The following CCDC171 variants were observed in gnomAD, a reference collection of about 807,000 sequenced individuals.
The protein encoded by CCDC171 is coiled-coil domain containing 171, also known as coiled-coil domain-containing protein 171.
A neutral mutation model predicts 168.2 loss-of-function variants in CCDC171; 177 were observed. That is an observed-to-expected ratio of 1.05 (90% CI 0.93 to 1.19). The LOEUF (loss-of-function observed/expected upper bound fraction) is 1.19, where lower values mean the gene tolerates loss of function less well. Among genes scored for constraint, CCDC171 ranks in the 50% most tolerant of loss-of-function variants. The pLI is 0.00. For missense variants in CCDC171, 1,991 were observed against 1,539.0 expected (o/e 1.29, Z -4.91); for synonymous variants, 687 against 540.8 (o/e 1.27, Z -3.75).
intron 8 of CCDC171, among the ~76,000 whole-genome samples, chr9:15,660,245 A>C (rs1314138256): frequency 6.6e-6 from 1 of 152,230 alleles, no homozygotes; most frequent in Non-Finnish European, 1.5e-5. Flanking sequence ...CTTTAAGATC[A>C]GGTCACTAAA....
intron 9 of CCDC171, among the ~76,000 whole-genome samples, chr9:15,675,110 T>C (rs1177543384): frequency 1.3e-5 from 2 of 152,072 alleles, no homozygotes; most frequent in Non-Finnish European, 2.9e-5. Context: ...TTTACCATTA[T>C]GTAACGGCCT....
chr9:15,992,707 T>C (rs371232963), intron 3 of CCDC171, among the ~76,000 whole-genome samples: 3 of 152,024 alleles, frequency 2.0e-5, no homozygotes, highest in African/African-American at 4.8e-5. Context: ...ATTGTCTCAG[T>C]CCAAAATCTC....
Position 15,568,879 on chromosome 9 carries a change from A to G in CCDC171, c.42-2745A>G, listed in dbSNP as rs547800787. The stretch of plus-strand genomic sequence containing the variant: ...TAAACTGTTGATAGTTTCTTTTGCC[A>G]CGAAGAAGCTCTTAAGTTTAATTAG... On this transcript the variant is annotated intron_variant, in intron 2 of 25. Coordinates refer to ENST00000380701, the MANE Select transcript of CCDC171 (RefSeq NM_173550.4). Among the ~76,000 whole-genome samples the G allele has an allele frequency of 3.5e-4, 53 of 152,098 alleles. No individual in the cohort carries two copies. The South Asian group carries it at 6.2e-3, about 18-fold the overall frequency.
chr9:15,961,022 A>G (rs1432160050), intron 25 of CCDC171, among the ~76,000 whole-genome samples: 1 of 150,412 alleles, frequency 6.6e-6, no homozygotes, highest in Non-Finnish European at 1.5e-5. Context: ...TGCAAAAAAA[A>G]ATGGGTTTCA....
chr9:15,787,956 C>T (rs1005872728), intron 21 of CCDC171, among the ~76,000 whole-genome samples: 1 of 152,140 alleles, frequency 6.6e-6, no homozygotes, highest in Non-Finnish European at 1.5e-5. Flanking sequence ...GGAAAAGCAT[C>T]TTTGTCATTT....
At chr9:15,709,414 G>A (rs2052489137) in intron 11 of CCDC171, among the ~76,000 whole-genome samples, 1 of 151,838 alleles carries the variant, frequency 6.6e-6, no homozygotes, top group Non-Finnish European at 1.5e-5. Context: ...AAAATGCAGA[G>A]GAAAAGAACA....
intron 24 of CCDC171, among the ~76,000 whole-genome samples, chr9:15,879,510 A>T (rs1409142324): frequency 6.6e-6 from 1 of 152,148 alleles, no homozygotes; most frequent in African/African-American, 2.4e-5. Context: ...TTTCCCTATT[A>T]TACTATTGAA....
intron 10 of CCDC171, among the ~76,000 whole-genome samples, chr9:15,685,366 C>T (rs923683603): frequency 6.6e-6 from 1 of 152,096 alleles, no homozygotes; most frequent in African/African-American, 2.4e-5. Context: ...GTGGCTGACA[C>T]CTATAATCCC....
At chr9:15,699,680 T>A (rs531719963) in intron 11 of CCDC171, among the ~76,000 whole-genome samples, 4 of 152,206 alleles carry the variant, frequency 2.6e-5, no homozygotes, top group African/African-American at 9.6e-5. Flanking sequence ...TCACAAACAC[T>A]GAGCTAGACA....
chr9:15,983,900 A>C (rs1439807082), intron 3 of CCDC171, among the ~76,000 whole-genome samples: 2 of 149,586 alleles, frequency 1.3e-5, no homozygotes, highest in East Asian at 3.9e-4. Context: ...TTTACCTCCA[A>C]CTGCTAGATA....
intron 13 of CCDC171, among the ~76,000 whole-genome samples, chr9:15,724,297 G>A (rs1485997381): frequency 6.6e-6 from 1 of 152,130 alleles, no homozygotes; most frequent in Non-Finnish European, 1.5e-5. Flanking sequence ...TTCATGTTGG[G>A]TTTGTCCTGG....
intron 18 of CCDC171, among the ~76,000 whole-genome samples, chr9:15,763,868 G>T (rs1167989065): frequency 6.6e-6 from 1 of 152,030 alleles, no homozygotes; most frequent in Non-Finnish European, 1.5e-5. Flanking sequence ...TAAATCTGAT[G>T]TGAATATTCA....
intron 18 of CCDC171, among the ~76,000 whole-genome samples, chr9:15,760,883 G>T (rs964727688): frequency 3.9e-5 from 6 of 152,062 alleles, no homozygotes; most frequent in Admixed American, 2.6e-4. Context: ...TTGCCCACTT[G>T]AGATAAATTA....
downstream of CCDC171, chr9:16,061,606 T>A (rs956089989): frequency 1.3e-5 from 2 of 152,232 alleles, no homozygotes; most frequent in African/African-American, 4.8e-5. Flanking sequence ...AGCCAAGGAA[T>A]GATAACACTA....
chr9:16,000,183 T>C (rs1211709288), intron 3 of CCDC171, among the ~76,000 whole-genome samples: 1 of 152,182 alleles, frequency 6.6e-6, no homozygotes, highest in Non-Finnish European at 1.5e-5. Flanking sequence ...CATTGTGAAA[T>C]CCAAAACATG....
At chr9:16,107,253 G>GA in the CCDC171 span, among the ~76,000 whole-genome samples, 5 of 152,124 alleles carry the variant, frequency 3.3e-5, no homozygotes, top group African/African-American at 9.6e-5. Flanking sequence ...GGGCTCAAGC[G>GA]ATTCTCCCAC....
intron 7 of CCDC171, among the ~76,000 whole-genome samples, chr9:15,641,089 G>A (rs1457708940): frequency 6.6e-6 from 1 of 152,012 alleles, no homozygotes; most frequent in Non-Finnish European, 1.5e-5. Context: ...TCACCTTTTT[G>A]TAGATGGATT....
intron 20 of CCDC171, among the ~76,000 whole-genome samples, chr9:15,780,594 G>T (rs1378072327): frequency 6.6e-6 from 1 of 152,034 alleles, no homozygotes; most frequent in Non-Finnish European, 1.5e-5. Flanking sequence ...ACCAATCACT[G>T]TTGAAATGTG....
chr9:15,750,019 A>T (rs974427950), intron 18 of CCDC171, among the ~76,000 whole-genome samples: 15 of 147,496 alleles, frequency 1.0e-4, no homozygotes, highest in Non-Finnish European at 1.9e-4. Flanking sequence ...CTTTAAAAAA[A>T]ATCAGTGAAT....
Sources: allele counts gnomAD v4.1 joint callset (sites outside exome capture counted in the v4.1 genomes callset), GRCh38; gene constraint gnomAD v4.1.1; transcripts MANE v1.5; gene names NCBI Gene and HGNC (gene_info 2026-07-23, HGNC 2026-07-21).